The following DGKI variants were observed in gnomAD, a reference collection of about 807,000 sequenced individuals.
The protein encoded by DGKI is DAG kinase iota.
In DGKI, 55 loss-of-function variants were observed where a neutral mutation model predicts 147.5. The observed-to-expected ratio is 0.37, with a 90% CI of 0.30 to 0.47. The LOEUF is 0.47. Among genes scored for constraint, DGKI ranks in the 20% least tolerant of loss-of-function variants. The probability of loss-of-function intolerance (pLI) is 1.00; values close to 1 mark genes in which losing one functional copy is unlikely to be tolerated. For synonymous variants in DGKI, 469 were observed against 477.1 expected, an observed-to-expected ratio of 0.98 and a Z score of 0.22; for missense variants, 1,007 against 1,323.8, an observed-to-expected ratio of 0.76 and a Z score of 3.71.
chr7:137,807,169 G>C (rs1050667281), intron 1 of DGKI, among the ~76,000 whole-genome samples: 2 of 152,202 alleles, frequency 1.3e-5, no homozygotes, highest in African/African-American at 4.8e-5. Flanking sequence ...TTCTGCATAT[G>C]CAGTACTGAA....
chr7:137,587,458 C>A (rs1170604393), intron 12 of DGKI, among the ~76,000 whole-genome samples: 1 of 152,136 alleles, frequency 6.6e-6, no homozygotes, highest in African/African-American at 2.4e-5. Context: ...CCCATTCATG[C>A]GTGCGTTTAA....
intron 7 of DGKI, among the ~76,000 whole-genome samples, chr7:137,621,716 T>C (rs944273326): frequency 2.6e-5 from 4 of 152,246 alleles, no homozygotes; most frequent in African/African-American, 9.6e-5. Context: ...TTGTCCTTTG[T>C]AGTGATTCAG....
chr7:137,413,433 C>G (rs1812241340), intron 28 of DGKI, among the ~76,000 whole-genome samples: 1 of 152,082 alleles, frequency 6.6e-6, no homozygotes, highest in Admixed American at 6.6e-5. Flanking sequence ...CCTTTGTCCC[C>G]CTCCCTGTCT....
At chr7:137,411,728 TCTTGTTTGACTAACTATGAGAGTC>T (rs1259501701) in intron 29 of DGKI, among the ~76,000 whole-genome samples, 4 of 152,178 alleles carry the variant, frequency 2.6e-5, no homozygotes, top group Non-Finnish European at 5.9e-5. Context: ...GGATCAGGGT[TCTTGTTTGACTAACTATGAGAGTC>T]CTTGTTTGAC....
At chr7:137,543,772 A>G (rs1213999174) in intron 20 of DGKI, among the ~76,000 whole-genome samples, 1 of 152,188 alleles carries the variant, frequency 6.6e-6, no homozygotes, top group Non-Finnish European at 1.5e-5. Context: ...CAATGTTACC[A>G]TGGTTTTTTC....
chr7:137,734,186 C>T (rs997895026), intron 1 of DGKI, among the ~76,000 whole-genome samples: 16 of 152,090 alleles, frequency 1.1e-4, no homozygotes, highest in African/African-American at 3.6e-4. Flanking sequence ...CAGAATACAA[C>T]AGAAGTATTG....
At chr7:137,706,111 T>A (rs1362523146) in intron 1 of DGKI, among the ~76,000 whole-genome samples, 1 of 152,060 alleles carries the variant, frequency 6.6e-6, no homozygotes, top group Non-Finnish European at 1.5e-5. Context: ...TTTTTAAAGA[T>A]AATTTAAAGG....
Position 137,485,526 on chromosome 7 carries a change from T to C in DGKI, c.2329-108A>G, listed in dbSNP as rs959340921. On this transcript the variant is annotated intron_variant, in intron 22 of 32. Coordinates refer to ENST00000614521, the MANE Select transcript of DGKI (RefSeq NM_001321708.2). ...CCAATTTAATATTACTATGCTCATC[T>C]GGAAAGTATCGAACACACCCAAATT... The C allele has an allele frequency of 1.3e-5, 11 of 845,960 alleles. No homozygotes were observed. In the African/African-American group the frequency reaches 1.9e-4, roughly 15 times the overall value. 52.4% of individuals were successfully genotyped at this position (845,960 alleles called of 1,614,324 possible). A position where few individuals can be genotyped will look rare whatever the true frequency, so the allele number is the denominator to read the frequency against.
chr7:137,593,200 C>A (rs189780049), intron 12 of DGKI, among the ~76,000 whole-genome samples: 53 of 152,186 alleles, frequency 3.5e-4, no homozygotes, highest in Non-Finnish European at 6.0e-4. Context: ...ACTTGCAGAT[C>A]CAGCCAAGTT....
intron 1 of DGKI, among the ~76,000 whole-genome samples, chr7:137,714,419 C>T (rs1441949135): frequency 6.6e-6 from 1 of 152,022 alleles, no homozygotes; most frequent in African/African-American, 2.4e-5. Context: ...TATTTTTCTT[C>T]TATTTCTTTA....
chr7:137,813,542 TGAG>T (rs1797653404), intron 1 of DGKI, among the ~76,000 whole-genome samples: 1 of 152,186 alleles, frequency 6.6e-6, no homozygotes. Flanking sequence ...CATTTGATAC[TGAG>T]GATGTCCACC....
At chr7:137,392,429 G>A (rs1490961910) in intron 32 of DGKI, among the ~76,000 whole-genome samples, 4 of 152,176 alleles carry the variant, frequency 2.6e-5, no homozygotes, top group Admixed American at 6.6e-5. Flanking sequence ...GTAGAGGCAT[G>A]ATCATTGTAC....
chr7:137,460,445 A>G (rs1814393166), intron 27 of DGKI, among the ~76,000 whole-genome samples: 1 of 152,234 alleles, frequency 6.6e-6, no homozygotes, highest in African/African-American at 2.4e-5. Flanking sequence ...CAAAAACACA[A>G]TGCTGAGTGA....
At chr7:137,437,694 C>A (rs1813335812) in intron 28 of DGKI, among the ~76,000 whole-genome samples, 1 of 151,982 alleles carries the variant, frequency 6.6e-6, no homozygotes, top group Admixed American at 6.6e-5. Context: ...TCCCAAAGGA[C>A]AAATTACAGG....
chr7:137,463,703 T>A, intron 26 of DGKI, 92 bp from the exon 27 acceptor site: 1 of 1,461,696 alleles, frequency 6.8e-7, no homozygotes, highest in Admixed American at 2.0e-5. Flanking sequence ...TGCCAGTAAA[T>A]GTGAGAAGCA....
chr7:137,569,994 T>C (rs1282247237), intron 19 of DGKI, among the ~76,000 whole-genome samples: 2 of 152,094 alleles, frequency 1.3e-5, no homozygotes, highest in African/African-American at 4.8e-5. Context: ...ATGAAGATTC[T>C]TGCCATAAGC....
At chr7:137,788,688 C>A (rs1796754033) in intron 1 of DGKI, among the ~76,000 whole-genome samples, 1 of 150,870 alleles carries the variant, frequency 6.6e-6, no homozygotes, top group African/African-American at 2.5e-5. Context: ...ACACCTCCAT[C>A]CCCCTGCCAT....
intron 1 of DGKI, among the ~76,000 whole-genome samples, chr7:137,730,966 C>T (rs1794863846): frequency 6.6e-6 from 1 of 152,076 alleles, no homozygotes; most frequent in South Asian, 2.1e-4. Context: ...CTTCTCATTT[C>T]ACTAGGTTCA....
At chr7:137,770,388 C>T (rs1471618248) in intron 1 of DGKI, among the ~76,000 whole-genome samples, 4 of 151,970 alleles carry the variant, frequency 2.6e-5, no homozygotes, top group African/African-American at 4.8e-5. Context: ...ACCTAGATGA[C>T]GGGTTGATAG....
Sources: gnomAD v4.1 joint callset for allele counts (sites outside exome capture counted in the v4.1 genomes callset) on GRCh38, gnomAD v4.1.1 for gene constraint, MANE v1.5 for transcripts, NCBI Gene and HGNC (gene_info 2026-07-23, HGNC 2026-07-21) for gene names.